KCNK10: variants seen among roughly 807,000 people sequenced by gnomAD.
The protein encoded by KCNK10 is potassium channel subfamily K member 10.
In KCNK10, 25 loss-of-function variants were observed where a neutral mutation model predicts 47.7. The observed-to-expected ratio is 0.52, with a 90% CI of 0.38 to 0.73. The LOEUF (loss-of-function observed/expected upper bound fraction) is 0.73. KCNK10 is among the 30% of genes least tolerant of loss of function. The probability of loss-of-function intolerance (pLI) is 0.00; values close to 1 mark genes in which losing one functional copy is unlikely to be tolerated. For synonymous variants in KCNK10, 303 were observed against 285.6 expected (o/e 1.06, Z -0.61); for missense variants, 563 against 714.5 (o/e 0.79, Z 2.42).
chr14:88,249,073 C>T (rs1481364984), intron 2 of KCNK10, among the ~76,000 whole-genome samples: 1 of 152,166 alleles, frequency 6.6e-6, no homozygotes, highest in East Asian at 1.9e-4. Flanking sequence ...AAACATTTTT[C>T]TAAAGCTCAT....
intron 1 of KCNK10, among the ~76,000 whole-genome samples, chr14:88,321,122 A>G (rs1420561064): frequency 6.6e-6 from 1 of 152,156 alleles, no homozygotes; most frequent in African/African-American, 2.4e-5. Context: ...ATACCTCTTC[A>G]CTCACTCTGC....
intron 1 of KCNK10, among the ~76,000 whole-genome samples, chr14:88,278,447 C>A: frequency 6.6e-6 from 1 of 152,052 alleles, no homozygotes; most frequent in East Asian, 1.9e-4. Context: ...GGACACTATT[C>A]GAAAATCTAA....
chr14:88,263,588 T>C, intron 1 of KCNK10, 37 bp from the exon 2 acceptor site: 1 of 1,534,734 alleles, frequency 6.5e-7, no homozygotes, highest in Non-Finnish European at 8.8e-7. Flanking sequence ...AAGAAGAGAG[T>C]TTGTTTATAA....
chr14:88,274,768 G>A (rs1259541595), intron 1 of KCNK10, among the ~76,000 whole-genome samples: 1 of 151,990 alleles, frequency 6.6e-6, no homozygotes, highest in East Asian at 1.9e-4. Context: ...CAAACTTGAT[G>A]TGTCATTCAT....
At chr14:88,279,362 T>C in intron 1 of KCNK10, among the ~76,000 whole-genome samples, 1 of 132,170 alleles carries the variant, frequency 7.6e-6, no homozygotes, top group South Asian at 2.9e-4. Flanking sequence ...AATTGCCAGA[T>C]ACGTGTGTGT....
chr14:88,271,089 T>G (rs1438778550), intron 1 of KCNK10, among the ~76,000 whole-genome samples: 1 of 152,174 alleles, frequency 6.6e-6, no homozygotes, highest in Non-Finnish European at 1.5e-5. Context: ...GACTCTTTTT[T>G]TGGTCAATTC....
chr14:88,265,771 T>C (rs577027901), intron 1 of KCNK10, among the ~76,000 whole-genome samples: 7 of 152,316 alleles, frequency 4.6e-5, no homozygotes, highest in Admixed American at 2.0e-4. Flanking sequence ...GTTCTCGTGA[T>C]AGTGAATAAG....
chr14:88,324,934 C>T (rs1888630513), upstream of KCNK10, among the ~76,000 whole-genome samples: 1 of 152,108 alleles, frequency 6.6e-6, no homozygotes, highest in African/African-American at 2.4e-5. Flanking sequence ...AGGCTGGAGC[C>T]CTGAATTCTC....
intron 4 of KCNK10, among the ~76,000 whole-genome samples, chr14:88,217,570 T>C (rs2139859633): frequency 6.6e-6 from 1 of 152,320 alleles, no homozygotes; most frequent in East Asian, 1.9e-4. Flanking sequence ...AAAAATATTT[T>C]TAGAGACAGG....
chr14:88,207,437 G>C (rs1445487370), intron 4 of KCNK10, among the ~76,000 whole-genome samples: 5 of 152,114 alleles, frequency 3.3e-5, no homozygotes, highest in Non-Finnish European at 5.9e-5. Context: ...GCCTCCCAAA[G>C]TGCTGGGATT....
At chr14:88,232,078 T>A (rs57861050) in intron 3 of KCNK10, among the ~76,000 whole-genome samples, 155 of 152,288 alleles carry the variant, frequency 1.0e-3, no homozygotes, top group African/African-American at 3.7e-3. Flanking sequence ...CTTGGTAACC[T>A]TTCCAAGGCA....
At chr14:88,210,829 G>A (rs1434255981) in intron 4 of KCNK10, among the ~76,000 whole-genome samples, 16 of 138,642 alleles carry the variant, frequency 1.2e-4, no homozygotes, top group African/African-American at 1.9e-4. Flanking sequence ...AAAGTTAAAG[G>A]AAAAAAAAAA....
At chr14:88,295,894 A>C (rs1887976044) in intron 1 of KCNK10, among the ~76,000 whole-genome samples, 1 of 152,124 alleles carries the variant, frequency 6.6e-6, no homozygotes, top group South Asian at 2.1e-4. Context: ...CAGAGTCTTA[A>C]CTACAACAGC....
chr14:88,317,569 G>A lies in KCNK10; in HGVS notation c.52+5178C>T, dbSNP rs77689471. Among the ~76,000 whole-genome samples the A allele has an allele frequency of 1.4e-4, 21 of 152,324 alleles. 1 individual carries two copies. In the East Asian group the frequency reaches 2.5e-3, roughly 18 times the overall value. On this transcript the variant is annotated intron_variant, in intron 1 of 6. Coordinates refer to ENST00000319231, the MANE Select transcript of KCNK10 (RefSeq NM_138317.3). ...AGGAGAGTGTGGAATGAACAAAGTC[G>A]CTGGGAGGAAGGAAAGCTTGAAGGA...
intron 4 of KCNK10, among the ~76,000 whole-genome samples, chr14:88,198,858 G>A (rs546664269): frequency 7.1e-6 from 1 of 140,566 alleles, no homozygotes; most frequent in South Asian, 2.3e-4. Flanking sequence ...AGGGAATATA[G>A]TAATGTTAGG....
chr14:88,251,832 C>T (rs1228480055), intron 2 of KCNK10, among the ~76,000 whole-genome samples: 2 of 152,210 alleles, frequency 1.3e-5, no homozygotes, highest in East Asian at 3.9e-4. Flanking sequence ...CATTTGCTCA[C>T]TTCTCTCAAG....
intron 1 of KCNK10, among the ~76,000 whole-genome samples, chr14:88,281,635 C>T (rs868636414): frequency 2.6e-5 from 4 of 151,830 alleles, no homozygotes; most frequent in South Asian, 2.1e-4. Context: ...TCTCCTGGGT[C>T]GCCAGCTTGC....
intron 1 of KCNK10, among the ~76,000 whole-genome samples, chr14:88,285,300 TG>T (rs1887736628): frequency 6.6e-6 from 1 of 152,034 alleles, no homozygotes; most frequent in East Asian, 1.9e-4. Flanking sequence ...TTAGTAGAGA[TG>T]GGGTTTCGCC....
chr14:88,293,261 A>G (rs1887917086), intron 1 of KCNK10, among the ~76,000 whole-genome samples: 1 of 152,200 alleles, frequency 6.6e-6, no homozygotes, highest in African/African-American at 2.4e-5. Context: ...CCATGAATAT[A>G]TATTTCCAGC....
Sources: gnomAD v4.1 joint callset for allele counts (sites outside exome capture counted in the v4.1 genomes callset) on GRCh38, gnomAD v4.1.1 for gene constraint, MANE v1.5 for transcripts, NCBI Gene and HGNC (gene_info 2026-07-23, HGNC 2026-07-21) for gene names.